The following NACC1 variants were observed in gnomAD, a reference collection of about 807,000 sequenced individuals.
NACC1 encodes the protein nucleus accumbens-associated protein 1.
NACC1 carries 6 observed loss-of-function variants against 41.7 expected under a neutral mutation model. The observed-to-expected ratio is 0.14, with a 90% CI of 0.08 to 0.28. The LOEUF (loss-of-function observed/expected upper bound fraction) is 0.28. Among genes scored for constraint, NACC1 ranks in the 10% least tolerant of loss-of-function variants. NACC1 has a pLI of 1.00. For synonymous variants in NACC1, 338 were observed against 330.6 expected, an observed-to-expected ratio of 1.02 and a Z score of -0.24; for missense variants, 434 against 763.7, an observed-to-expected ratio of 0.57 and a Z score of 5.09.
chr19:13,127,333 CAA>C (rs59958429), intron 1 of NACC1, among the ~76,000 whole-genome samples: 10,915 of 39,646 alleles, frequency 0.28, 347 homozygotes, highest in Non-Finnish European at 0.29. Context: ...ACGTCTCTAC[CAA>C]AAAAAAAAAA....
At position 13,136,312 on chromosome 19, in the gene NACC1, C is replaced by T; in HGVS notation, c.1027C>T (p.Leu343Phe). 1 of 1,614,158 alleles carries T rather than the reference C, an allele frequency of 6.2e-7. No individual in the cohort carries two copies. The highest frequency in any genetic ancestry group is 2.2e-5 in the East Asian group (1 of 44,872). Residue 343 changes from leucine to phenylalanine, a missense_variant, in exon 3 of 6, where the codon CTC (leucine) becomes TTC (phenylalanine). This residue lies in a region of NACC1 where 234 missense variants were observed against 308.3 expected (regional missense o/e 0.76). Coordinates refer to ENST00000292431, the MANE Select transcript of NACC1 (RefSeq NM_052876.4). The surrounding 1 kb of genome is among the most constrained non-coding windows in gnomAD (Gnocchi z 5.5). Reference protein sequence around the residue: ...RIRVRQDLASLPAELINQIGN... With the variant: ...RIRVRQDLASFPAELINQIGN... ...CCGGGTTCGGCAAGACCTGGCGTCT[C>T]TCCCGGCTGAACTTATCAACCAGAT...
chr19:13,140,775 GC>G lies in NACC1; in HGVS notation c.*2371del, dbSNP rs2019780545. The G allele has an allele frequency of 1.3e-5, 2 of 152,856 alleles. No homozygotes were observed. Among genetic ancestry groups the G allele is most frequent in the Admixed American group, 6.6e-5 (1 of 15,256 alleles). The allele number at this position is 152,856 out of a possible 1,614,324, so 9.5% of individuals were successfully genotyped here. A position where few individuals can be genotyped will look rare whatever the true frequency, so the allele number is the denominator to read the frequency against. ...CACCCTCCACCCCTACCCCTGGGCG[GC>G]CTGCTGCTTTTTCCTTCTCTTCCTC... On this transcript the variant is annotated 3_prime_UTR_variant, in exon 6 of 6. Transcript: ENST00000292431. This position sits in a 1 kb window ranked among gnomAD's most constrained non-coding sequence, Gnocchi z 4.0.
intron 1 of NACC1, among the ~76,000 whole-genome samples, chr19:13,122,102 G>A (rs1446601134): frequency 6.6e-6 from 1 of 152,190 alleles, no homozygotes; most frequent in Non-Finnish European, 1.5e-5. Context: ...GGTGGGGTGA[G>A]GACCAGCCGA....
intron 1 of NACC1, chr19:13,131,785 T>G (rs1291328501): frequency 6.6e-6 from 1 of 152,162 alleles, no homozygotes; most frequent in Admixed American, 6.6e-5. Flanking sequence ...AGACCCTGGT[T>G]TGAATCTTGG....
Position 13,136,012 on chromosome 19 carries a change from G to A in NACC1, c.805G>A (p.Ala269Thr), listed in dbSNP as rs748364235. 3.7e-6 allele frequency: 6 copies of A among 1,613,344 alleles called. No homozygotes were observed. Among genetic ancestry groups the A allele is most frequent in the Admixed American group, 1.7e-5 (1 of 59,928 alleles). ...GCGGACCAGCCCAGGCACCTCAAGCGCCTACACCAGCGACAGCCCTGGCTC... is the reference window on the plus strand; with the variant it reads ...GCGGACCAGCCCAGGCACCTCAAGCACCTACACCAGCGACAGCCCTGGCTC... ...SERTSPGTSS[A>T]YTSDSPGSYH... is the part of the protein sequence containing the mutation. The change falls in exon 2 of 6, where the codon GCC becomes ACC. Residue 269 changes from alanine to threonine, a missense_variant. Physicochemically the swap from Ala to Thr is moderately conservative, Grantham distance 58 (BLOSUM62 0). Coordinates refer to ENST00000292431, the MANE Select transcript of NACC1 (RefSeq NM_052876.4). The surrounding 1 kb of genome is among the most constrained non-coding windows in gnomAD (Gnocchi z 5.5).
chr19:13,125,277 ATC>A (rs2019547638), intron 1 of NACC1, among the ~76,000 whole-genome samples: 1 of 152,180 alleles, frequency 6.6e-6, no homozygotes, highest in African/African-American at 2.4e-5. Context: ...GTGAGGGCCC[ATC>A]TCTCATAGAT....
Position 13,138,046 on chromosome 19 carries a change from C to T in NACC1, c.1325-101C>T. On this transcript the variant is annotated intron_variant, in intron 5 of 5. Coordinates refer to ENST00000292431, the MANE Select transcript of NACC1 (RefSeq NM_052876.4). The surrounding 1 kb of genome is among the most constrained non-coding windows in gnomAD (Gnocchi z 5.7). Reference sequence around the variant, plus strand: ...TGGCCGCGTGGCCTCACTCGTTTCCCCTTTGAGAGGGAGTCGCAGATGCTG... The same window carrying T: ...TGGCCGCGTGGCCTCACTCGTTTCCTCTTTGAGAGGGAGTCGCAGATGCTG... 1.3e-6 allele frequency: 2 copies of T among 1,535,404 alleles called. No individual in the cohort carries two copies. The highest frequency in any genetic ancestry group is 1.8e-6 in the Non-Finnish European group (2 of 1,134,640).
chr19:13,128,050 A>G (rs1253948798), intron 1 of NACC1, among the ~76,000 whole-genome samples: 3 of 152,176 alleles, frequency 2.0e-5, no homozygotes, highest in Admixed American at 2.0e-4. Flanking sequence ...AGATGAATCC[A>G]AGGATCTGAA....
intron 1 of NACC1, among the ~76,000 whole-genome samples, chr19:13,126,967 G>C (rs1435563522): frequency 2.0e-5 from 3 of 152,066 alleles, no homozygotes; most frequent in Non-Finnish European, 4.4e-5. Context: ...AGGGGTGGTG[G>C]CTCGCACCTG....
At position 13,138,703 on chromosome 19, in the gene NACC1, A is replaced by C; in HGVS notation, c.*297A>C. 2.4e-6 allele frequency: 1 copy of C among 425,430 alleles called. No individual in the cohort carries two copies. The highest frequency in any genetic ancestry group is 4.4e-6 in the Non-Finnish European group (1 of 229,552). The allele number at this position is 425,430 out of a possible 1,614,324, so 26.4% of individuals were successfully genotyped here. On this transcript the variant is annotated 3_prime_UTR_variant, in exon 6 of 6. Transcript: ENST00000292431. The surrounding 1 kb of genome is among the most constrained non-coding windows in gnomAD (Gnocchi z 5.7). ...CGTCATCTCCACACTCACCAGGCCC[A>C]CCAGGGGAGGGGGCTGGCCTGGGGG...
At chr19:13,121,954 C>T (rs2019500456) in intron 1 of NACC1, among the ~76,000 whole-genome samples, 2 of 152,324 alleles carry the variant, frequency 1.3e-5, no homozygotes, top group African/African-American at 4.8e-5. Flanking sequence ...ACCCCTGTGC[C>T]GCCTTCCAGC....
chr19:13,136,180 CA>C lies in NACC1; in HGVS notation c.946+28del, dbSNP rs930814577. 61 of 1,602,752 alleles carry C rather than the reference CA, an allele frequency of 3.8e-5. No homozygotes were observed. The highest frequency in any genetic ancestry group is 4.5e-5 in the Non-Finnish European group (53 of 1,173,578). On this transcript the variant is annotated intron_variant, in intron 2 of 5. Transcript: ENST00000292431. The surrounding 1 kb of genome is among the most constrained non-coding windows in gnomAD (Gnocchi z 5.5). ...TGAGGTGCCGTCCTGTCCCCCATCC[CA>C]CCAGCCACCCCTGCTCCTCCTGCCA...
Position 13,137,588 on chromosome 19 carries a change from C to T in NACC1, c.1324+13C>T. ...CACGCTGTCAAGTGTGAGTGTTGGC[C>T]CAGCTGGACGAGGCGTGGGCCCGGG... On this transcript the variant is annotated intron_variant, in intron 5 of 5. Transcript: ENST00000292431. This position sits in a 1 kb window ranked among gnomAD's most constrained non-coding sequence, Gnocchi z 6.1. The T allele has an allele frequency of 6.5e-7, 1 of 1,547,380 alleles. No homozygotes were observed. Among genetic ancestry groups the T allele is most frequent in the Middle Eastern group, 1.9e-4 (1 of 5,188 alleles).
upstream of NACC1, chr19:13,117,992 A>G (rs1489562257): frequency 1.3e-5 from 2 of 152,280 alleles, no homozygotes; most frequent in African/African-American, 4.8e-5. Flanking sequence ...TTTGTTTTAC[A>G]GGAAACTAAA....
intron 1 of NACC1, among the ~76,000 whole-genome samples, chr19:13,123,436 A>C (rs539475418): frequency 1.1e-4 from 17 of 152,290 alleles, no homozygotes; most frequent in Non-Finnish European, 2.2e-4. Context: ...GAGGGCTGCG[A>C]GGAGGAGCGA....
chr19:13,132,745 C>T (rs899566956), intron 1 of NACC1, among the ~76,000 whole-genome samples: 1 of 152,176 alleles, frequency 6.6e-6, no homozygotes, highest in Non-Finnish European at 1.5e-5. Context: ...TTAGGATTCA[C>T]ATTTCCCTGA....
chr19:13,134,101 G>A (rs1451233601), intron 1 of NACC1, among the ~76,000 whole-genome samples: 3 of 152,160 alleles, frequency 2.0e-5, no homozygotes, highest in South Asian at 2.1e-4. Context: ...TGTATCCCAG[G>A]CTGGAGTATA....
In NACC1 at chr19:13,135,662, G is replaced by T. The variant is rs754528785; in HGVS notation, c.455G>T (p.Gly152Val). 13 of 1,558,174 alleles carry T rather than the reference G, an allele frequency of 8.3e-6. No individual in the cohort carries two copies. The highest frequency in any genetic ancestry group is 1.0e-5 in the Non-Finnish European group (12 of 1,155,600). Residue 152 changes from glycine to valine, a missense_variant, in exon 2 of 6, where the codon GGC (glycine) becomes GTC (valine). By Grantham distance (109) the Gly-to-Val change is moderately radical. This residue lies in a region of NACC1 where 234 missense variants were observed against 308.3 expected (regional missense o/e 0.76). Transcript: ENST00000292431. The part of the protein sequence containing the change: ...EPQSPVAQTS[G>V]WPACSTPLPL... ...CAGAGCCCCGTGGCGCAGACATCGG[G>T]CTGGCCAGCCTGTAGCACCCCGCTG...
At position 13,135,080 on chromosome 19, in the gene NACC1, G is replaced by A. The variant is rs1034000505; in HGVS notation, c.-8-120G>A. 20 of 1,427,742 alleles carry A rather than the reference G, an allele frequency of 1.4e-5. No individual in the cohort carries two copies. In the Admixed American group the frequency reaches 1.7e-4, roughly 12 times the overall value. The allele number at this position is 1,427,742 out of a possible 1,614,324, so 88.4% of individuals were successfully genotyped here. ...GTTTAGCACCATGGTAGATTCCATC[G>A]TGCGGATGTCCCTCCAGCAGGGGAG... On this transcript the variant is annotated intron_variant, in intron 1 of 5. Transcript: ENST00000292431.
Sources: allele counts gnomAD v4.1 joint callset (sites outside exome capture counted in the v4.1 genomes callset), GRCh38; gene constraint gnomAD v4.1.1; regional missense constraint gnomAD v4.1.1; non-coding constraint Gnocchi (gnomAD v3.1); transcripts MANE v1.5; gene names NCBI Gene and HGNC (gene_info 2026-07-23, HGNC 2026-07-21).